Variants in UNC13C observed in about 807,000 individuals in gnomAD.
The protein encoded by UNC13C is unc-13 homolog C.
In UNC13C, 174 loss-of-function variants were observed where a neutral mutation model predicts 245.4. The observed-to-expected ratio is 0.71, with a 90% CI of 0.63 to 0.80. The LOEUF is 0.80. Among genes scored for constraint, UNC13C ranks in the 30% least tolerant of loss-of-function variants. UNC13C has a pLI of 0.00. For missense variants in UNC13C, 2,829 were observed against 2,602.9 expected (o/e 1.09, Z -1.89); for synonymous variants, 992 against 895.1 (o/e 1.11, Z -1.93).
intron 18 of UNC13C, among the ~76,000 whole-genome samples, chr15:54,412,055 T>C (rs948813705): frequency 6.6e-6 from 1 of 151,966 alleles, no homozygotes; most frequent in African/African-American, 2.4e-5. Context: ...CATTAGTCCA[T>C]TTTGACACTG....
At chr15:54,579,768 A>G (rs963950504) in intron 30 of UNC13C, among the ~76,000 whole-genome samples, 1 of 152,188 alleles carries the variant, frequency 6.6e-6, no homozygotes, top group Non-Finnish European at 1.5e-5. Flanking sequence ...CAAAAAAGAA[A>G]AAAACAAGAA....
chr15:54,204,500 T>C (rs2034647674), intron 4 of UNC13C, among the ~76,000 whole-genome samples: 3 of 152,010 alleles, frequency 2.0e-5, no homozygotes, highest in Non-Finnish European at 4.4e-5. Context: ...ATATTTACCA[T>C]GTTTATAGAT....
chr15:54,615,555 C>T (rs1157383001), intron 30 of UNC13C, among the ~76,000 whole-genome samples: 2 of 152,008 alleles, frequency 1.3e-5, no homozygotes, highest in African/African-American at 4.8e-5. Context: ...CTTTTTTTAC[C>T]TCCACCTCTC....
the UNC13C span, among the ~76,000 whole-genome samples, chr15:53,956,131 C>T: frequency 6.6e-6 from 1 of 152,084 alleles, no homozygotes; most frequent in African/African-American, 2.4e-5. Context: ...ACAATGGGTA[C>T]TCATGGACAA....
chr15:53,906,179 A>C, the UNC13C span, among the ~76,000 whole-genome samples: 1 of 152,016 alleles, frequency 6.6e-6, no homozygotes, highest in Non-Finnish European at 1.5e-5. Flanking sequence ...ACAAAAAATT[A>C]GGTGGGCGTG....
At chr15:54,135,024 G>A (rs756271125) in intron 2 of UNC13C, among the ~76,000 whole-genome samples, 12 of 152,198 alleles carry the variant, frequency 7.9e-5, no homozygotes, top group Admixed American at 3.3e-4. Context: ...GGTGTGAGGT[G>A]ATATCTCATT....
the UNC13C span, among the ~76,000 whole-genome samples, chr15:53,930,152 G>T: frequency 6.6e-6 from 1 of 152,244 alleles, no homozygotes; most frequent in Non-Finnish European, 1.5e-5. Context: ...TAAGCTGATT[G>T]ATTTCTCCTC....
chr15:54,066,547 C>T (rs1566987491), intron 2 of UNC13C, among the ~76,000 whole-genome samples: 1 of 152,188 alleles, frequency 6.6e-6, no homozygotes, highest in Non-Finnish European at 1.5e-5. Context: ...CAGCTCTCAA[C>T]CCCACTGCAA....
intron 18 of UNC13C, among the ~76,000 whole-genome samples, 170 bp from the exon 19 acceptor site, chr15:54,414,812 G>A (rs989740764): frequency 6.6e-6 from 1 of 151,772 alleles, no homozygotes; most frequent in Admixed American, 6.6e-5. Context: ...TTAAACTCTA[G>A]TGTGTAACAT....
chr15:54,278,082 C>T (rs553661105), intron 10 of UNC13C, among the ~76,000 whole-genome samples: 2 of 152,098 alleles, frequency 1.3e-5, no homozygotes, highest in Non-Finnish European at 1.5e-5. Flanking sequence ...TGCTCTCTAC[C>T]GACCTAACTT....
chr15:54,050,599 T>C, intron 2 of UNC13C: 1 of 427,392 alleles, frequency 2.3e-6, no homozygotes, highest in South Asian at 1.9e-5. Context: ...CTTTCTAACT[T>C]GGAAATCAAA....
At chr15:53,916,393 T>G in the UNC13C span, among the ~76,000 whole-genome samples, 7,156 of 152,276 alleles carry the variant, frequency 0.047, 204 homozygotes, top group African/African-American at 0.074. Flanking sequence ...CACTGAAATA[T>G]CTTTACTCTT....
chr15:53,867,623 G>A, the UNC13C span, among the ~76,000 whole-genome samples: 43 of 152,314 alleles, frequency 2.8e-4, no homozygotes, highest in African/African-American at 8.9e-4. Flanking sequence ...ATAGGATTGC[G>A]GGGGCAGGGA....
At chr15:54,494,804 G>T (rs1893879190) in intron 20 of UNC13C, 70 bp downstream of exon 20, 4 of 1,531,962 alleles carry the variant, frequency 2.6e-6, no homozygotes, top group Non-Finnish European at 2.7e-6. Context: ...CACCTGAATT[G>T]TGTACCACTA....
intron 30 of UNC13C, among the ~76,000 whole-genome samples, chr15:54,571,973 T>G (rs568187826): frequency 1.1e-4 from 16 of 152,228 alleles, no homozygotes; most frequent in South Asian, 2.1e-4. Context: ...TACTTTTTAC[T>G]TACTTATTTT....
intron 19 of UNC13C, among the ~76,000 whole-genome samples, chr15:54,436,931 G>A (rs1348004330): frequency 6.6e-6 from 1 of 151,844 alleles, no homozygotes; most frequent in Non-Finnish European, 1.5e-5. Context: ...AAAATTATAA[G>A]CAAAAAGTAC....
At chr15:53,905,729 T>C in the UNC13C span, among the ~76,000 whole-genome samples, 1 of 152,168 alleles carries the variant, frequency 6.6e-6, no homozygotes, top group East Asian at 1.9e-4. Flanking sequence ...GCTTACTGCA[T>C]TCTACACTTG....
At chr15:54,158,433 A>G (rs1225856182) in intron 4 of UNC13C, among the ~76,000 whole-genome samples, 2 of 151,704 alleles carry the variant, frequency 1.3e-5, no homozygotes, top group Non-Finnish European at 2.9e-5. Context: ...GGTTCTCACC[A>G]TTCTCCACCT....
intron 1 of UNC13C, among the ~76,000 whole-genome samples, chr15:53,999,129 G>T (rs923737745): frequency 3.9e-5 from 6 of 151,996 alleles, no homozygotes; most frequent in African/African-American, 1.4e-4. Flanking sequence ...CAATTGGACA[G>T]TGTTCTTTCC....
Sources: allele counts gnomAD v4.1 joint callset (sites outside exome capture counted in the v4.1 genomes callset), GRCh38; gene constraint gnomAD v4.1.1; transcripts MANE v1.5; gene names NCBI Gene and HGNC (gene_info 2026-07-23, HGNC 2026-07-21).